Variants in ABLIM1 observed in about 807,000 individuals in gnomAD.
ABLIM1 encodes actin binding LIM protein 1, also known as actin-binding LIM protein 1.
Under a neutral mutation model 107.0 loss-of-function variants are expected in ABLIM1, and 40 were observed. The observed-to-expected ratio is 0.37, with a 90% CI of 0.29 to 0.49. The LOEUF (loss-of-function observed/expected upper bound fraction) is 0.49. ABLIM1 is among the 20% of genes least tolerant of loss of function. The pLI is 0.97. For missense variants in ABLIM1, 857 were observed against 1,008.5 expected (o/e 0.85, Z 2.04); for synonymous variants, 357 against 357.3 (o/e 1.00, Z 0.01).
At chr10:114,601,766 G>T in intron 2 of ABLIM1, 61 bp downstream of exon 2, 1 of 1,612,510 alleles carries the variant, frequency 6.2e-7, no homozygotes, top group African/African-American at 1.3e-5. Flanking sequence ...GGGATGGGCT[G>T]GACCCAAGGC....
At chr10:114,616,210 C>T (rs1489461125) in intron 1 of ABLIM1, among the ~76,000 whole-genome samples, 1 of 152,120 alleles carries the variant, frequency 6.6e-6, no homozygotes, top group Non-Finnish European at 1.5e-5. Flanking sequence ...AACAAATATG[C>T]TTATAATGCA....
chr10:114,499,708 G>A (rs955024423), intron 6 of ABLIM1, among the ~76,000 whole-genome samples: 1 of 152,198 alleles, frequency 6.6e-6, no homozygotes, highest in Non-Finnish European at 1.5e-5. Flanking sequence ...CCACAAACCT[G>A]AGGGTGGATG....
At chr10:114,689,233 G>T (rs886081727), upstream of ABLIM1, among the ~76,000 whole-genome samples, 1 of 152,102 alleles carries the variant, frequency 6.6e-6, no homozygotes, top group Admixed American at 6.6e-5. Context: ...CCTATCATCA[G>T]CTCACCAATG....
In ABLIM1 at chr10:114,473,945, T is replaced by C. The variant is rs951551647; in HGVS notation, c.1053A>G (p.Thr351=). The change falls in exon 9 of 23, where the codon ACA becomes ACG. Residue 351 remains threonine (T), a synonymous_variant. Coordinates refer to ENST00000533213, the MANE Select transcript of ABLIM1 (RefSeq NM_002313.7). ...KTEEKLRPTR[T]SSESIYSRPG... ...GCCTAGAATAAATACTTTCCGAGGA[T>C]GTCCTGGTAGGCTGTAAAATAAACA... 3 of 1,612,918 alleles carry C rather than the reference T, an allele frequency of 1.9e-6. No individual in the cohort carries two copies. Among genetic ancestry groups the C allele is most frequent in the Admixed American group, 3.3e-5 (2 of 60,026 alleles).
intron 6 of ABLIM1, among the ~76,000 whole-genome samples, chr10:114,541,044 G>A (rs2066592239): frequency 6.6e-6 from 1 of 152,170 alleles, no homozygotes; most frequent in South Asian, 2.1e-4. Flanking sequence ...AAGAGGCAGA[G>A]GGAACTGTAA....
chr10:114,547,836 A>C (rs2067551024), intron 4 of ABLIM1, 60 bp from the exon 5 acceptor site: 3 of 1,582,540 alleles, frequency 1.9e-6, no homozygotes, highest in Non-Finnish European at 8.6e-7. Context: ...CCAAGCAGGC[A>C]GCCCAATTTC....
chr10:114,673,471 C>T (rs1318723791), intron 1 of ABLIM1, among the ~76,000 whole-genome samples: 2 of 152,178 alleles, frequency 1.3e-5, no homozygotes, highest in Non-Finnish European at 2.9e-5. Context: ...AAGCCTTCCT[C>T]CTCATTCACT....
chr10:114,754,698 T>C (rs573279191), intron 1 of ABLIM1, among the ~76,000 whole-genome samples: 11 of 152,336 alleles, frequency 7.2e-5, no homozygotes, highest in African/African-American at 2.6e-4. Context: ...AAATGCTCAC[T>C]TAAATCAAAT....
In ABLIM1 at chr10:114,448,006, G is replaced by C. The variant is rs1367052682; in HGVS notation, c.1609C>G (p.Gln537Glu). The C allele has an allele frequency of 5.0e-6, 8 of 1,613,998 alleles. No homozygotes were observed. The highest frequency in any genetic ancestry group is 6.8e-6 in the Non-Finnish European group (8 of 1,180,012). ...ATGATATCTTCTGAGGACTTGCTCT[G>C]GGCTGCCAAGGCAGCTGCATCTAGA... ...IYKQHAALAA[Q>E]SKSSEDIIKF... Residue 537 changes from glutamine (Q) to glutamate (E), a missense_variant, in exon 15 of 23, where the codon CAG (glutamine) becomes GAG (glutamate). Physicochemically the swap from Gln to Glu is conservative, Grantham distance 29 (BLOSUM62 2). Coordinates refer to ENST00000533213, the MANE Select transcript of ABLIM1 (RefSeq NM_002313.7).
intron 6 of ABLIM1, among the ~76,000 whole-genome samples, chr10:114,517,356 C>A (rs1020733203): frequency 6.6e-6 from 1 of 152,064 alleles, no homozygotes; most frequent in African/African-American, 2.4e-5. Context: ...GAGACTGGAG[C>A]GATGCAGCTC....
At chr10:114,704,302 C>CTCTCTCTCTCTCTATATATA (rs1380460034) in intron 1 of ABLIM1, among the ~76,000 whole-genome samples, 2 of 43,058 alleles carry the variant, frequency 4.6e-5, no homozygotes, top group Non-Finnish European at 9.5e-5. Flanking sequence ...CTCTCTCTCT[C>CTCTCTCTCTCTCTATATATA]TATATATATA....
chr10:114,617,365 G>A (rs1266357685), intron 1 of ABLIM1, among the ~76,000 whole-genome samples: 1 of 150,528 alleles, frequency 6.6e-6, no homozygotes, highest in African/African-American at 2.4e-5. Flanking sequence ...GTGTTCAAGC[G>A]ATTCTCCTGC....
chr10:114,502,609 G>A (rs906390090), intron 6 of ABLIM1, among the ~76,000 whole-genome samples: 1 of 152,086 alleles, frequency 6.6e-6, no homozygotes, highest in Non-Finnish European at 1.5e-5. Flanking sequence ...TGATTCTAGT[G>A]CCTCAGCCAC....
At chr10:114,470,475 T>C (rs377458977) in intron 10 of ABLIM1, among the ~76,000 whole-genome samples, 48 of 144,966 alleles carry the variant, frequency 3.3e-4, no homozygotes, top group Middle Eastern at 3.6e-3. Context: ...ATAAAAGAAG[T>C]GTGTTAAACT....
chr10:114,693,520 A>G (rs1246455472), intron 1 of ABLIM1, among the ~76,000 whole-genome samples: 3 of 152,146 alleles, frequency 2.0e-5, no homozygotes, highest in East Asian at 3.9e-4. Context: ...CCTGTCATCC[A>G]TCATAGGGTT....
intron 1 of ABLIM1, among the ~76,000 whole-genome samples, chr10:114,655,790 C>T (rs1405473759): frequency 6.6e-6 from 1 of 152,074 alleles, no homozygotes. Flanking sequence ...AAGGAATGTG[C>T]CTGGAATCAT....
At chr10:114,718,932 G>T (rs555994207) in intron 1 of ABLIM1, among the ~76,000 whole-genome samples, 1 of 152,306 alleles carries the variant, frequency 6.6e-6, no homozygotes, top group South Asian at 2.1e-4. Context: ...ACTATTAACA[G>T]TGGCTACCTC....
intron 20 of ABLIM1, 135 bp from the exon 21 acceptor site, chr10:114,439,385 G>A: frequency 1.1e-6 from 1 of 888,332 alleles, no homozygotes. Context: ...AAATGACCAT[G>A]TATTTTTCAA....
At chr10:114,472,881 AC>A in intron 10 of ABLIM1, 95 bp downstream of exon 10, 1 of 1,289,450 alleles carries the variant, frequency 7.8e-7, no homozygotes, top group South Asian at 1.8e-5. Flanking sequence ...ACAAAAGACC[AC>A]CTGATTTACC....
Sources: gnomAD v4.1 joint callset for allele counts (sites outside exome capture counted in the v4.1 genomes callset) on GRCh38, gnomAD v4.1.1 for gene constraint, MANE v1.5 for transcripts, NCBI Gene and HGNC (gene_info 2026-07-23, HGNC 2026-07-21) for gene names.